The following HEXIM2 variants were observed in gnomAD, a reference collection of about 807,000 sequenced individuals.
HEXIM2 encodes protein HEXIM2.
For synonymous variants in HEXIM2, 159 were observed against 162.7 expected, an observed-to-expected ratio of 0.98 and a Z score of 0.17; for missense variants, 413 against 390.8, an observed-to-expected ratio of 1.06 and a Z score of -0.48.
intron 3 of HEXIM2, among the ~76,000 whole-genome samples, chr17:45,165,194 T>G (rs1295238085): frequency 1.3e-5 from 2 of 152,208 alleles, no homozygotes; most frequent in Admixed American, 1.3e-4. Context: ...CCCAAGCCAC[T>G]GGTGGAGACA....
intron 3 of HEXIM2, among the ~76,000 whole-genome samples, chr17:45,163,282 C>T (rs1011039830): frequency 7.5e-6 from 1 of 133,894 alleles, no homozygotes; most frequent in Admixed American, 8.7e-5. Context: ...GCCAAGATCT[C>T]GCAATTGCAC....
At chr17:45,165,022 C>G (rs2042800878) in intron 3 of HEXIM2, among the ~76,000 whole-genome samples, 1 of 152,110 alleles carries the variant, frequency 6.6e-6, no homozygotes, top group Admixed American at 6.6e-5. Flanking sequence ...GCAGGTAGGG[C>G]TAGGGGGCTG....
rs753646866 is a variant in HEXIM2 at position 45,162,879 on chromosome 17, C to T, written c.66+20C>T. 6 of 1,516,856 alleles carry T rather than the reference C, an allele frequency of 4.0e-6. No homozygotes were observed. In the African/African-American group the frequency reaches 4.1e-5, roughly 10 times the overall value. The allele number at this position is 1,516,856 out of a possible 1,614,324, so 94.0% of individuals were successfully genotyped here. A position where few individuals can be genotyped will look rare whatever the true frequency, so the allele number is the denominator to read the frequency against. The stretch of plus-strand genomic sequence containing the variant: ...GCCAAGGTAAGTCCCTGCCCTCCTG[C>T]CCACCCAAGCACCACGAGCACGGGT... On this transcript the variant is annotated intron_variant, in intron 3 of 3. Coordinates refer to ENST00000589230, the MANE Select transcript of HEXIM2 (RefSeq NM_001303441.2).
upstream of HEXIM2, chr17:45,161,099 G>C (rs1312629561): frequency 9.7e-6 from 5 of 515,988 alleles, no homozygotes; most frequent in Non-Finnish European, 1.7e-5. Flanking sequence ...GAGTCCCTCT[G>C]TGCGGGGCCT....
chr17:45,169,844 G>A lies in HEXIM2; in HGVS notation c.*35G>A. On this transcript the variant is annotated 3_prime_UTR_variant, in exon 4 of 4. Coordinates refer to ENST00000589230, the MANE Select transcript of HEXIM2 (RefSeq NM_001303441.2). The stretch of plus-strand genomic sequence containing the variant: ...CCAGCCTGGTGGACCCAAGGAGAAG[G>A]TCCCATTTCGTGCACACTCAGGCCA... 1 of 1,419,426 alleles carries A rather than the reference G, an allele frequency of 7.0e-7. No individual in the cohort carries two copies. The highest frequency in any genetic ancestry group is 9.2e-7 in the Non-Finnish European group (1 of 1,089,234). 87.9% of individuals were successfully genotyped at this position (1,419,426 alleles called of 1,614,324 possible).
chr17:45,161,130 A>T (rs2042671244), upstream of HEXIM2: 1 of 419,988 alleles, frequency 2.4e-6, no homozygotes, highest in Non-Finnish European at 4.6e-6. Context: ...CCCAGGCCGA[A>T]TGGGGGTGGG....
upstream of HEXIM2, chr17:45,161,384 C>T (rs2042683688): frequency 1.1e-5 from 2 of 185,546 alleles, no homozygotes; most frequent in Non-Finnish European, 2.3e-5. Context: ...CGCCGTCTCC[C>T]GGCGCCGCCA....
intron 3 of HEXIM2, among the ~76,000 whole-genome samples, chr17:45,167,613 CTTTT>C (rs2042893630): frequency 6.7e-6 from 1 of 149,602 alleles, no homozygotes; most frequent in Non-Finnish European, 1.5e-5. Flanking sequence ...AAATAAGAGT[CTTTT>C]TTGTTTGTTT....
chr17:45,162,932 C>T, intron 3 of HEXIM2, 73 bp downstream of exon 3: 2 of 1,007,696 alleles, frequency 2.0e-6, no homozygotes, highest in South Asian at 2.6e-5. Flanking sequence ...AACTTCTTGT[C>T]CCAGATGTGT....
chr17:45,161,080 T>C, upstream of HEXIM2: 1 of 607,348 alleles, frequency 1.6e-6, no homozygotes. Context: ...ACCTCTCCAG[T>C]CGAAGTGGGA....
In HEXIM2 at chr17:45,169,079, C is replaced by T. The variant is rs765289985; in HGVS notation, c.131C>T (p.Pro44Leu). ...PERHDSGGSL[P>L]LTPRMESHSE... is the part of the protein sequence containing the mutation. Reference sequence around the variant, plus strand: ...CGTCATGACTCTGGTGGTTCCCTGCCCCTGACACCGCGGATGGAGAGCCAC... The same window carrying T: ...CGTCATGACTCTGGTGGTTCCCTGCTCCTGACACCGCGGATGGAGAGCCAC... The change falls in exon 4 of 4, where the codon CCC becomes CTC. Residue 44 changes from proline (P) to leucine (L), a missense_variant. Coordinates refer to ENST00000589230, the MANE Select transcript of HEXIM2 (RefSeq NM_001303441.2). 14 of 1,614,010 alleles carry T rather than the reference C, an allele frequency of 8.7e-6. No individual in the cohort carries two copies. In the Admixed American group the frequency reaches 1.8e-4, roughly 21 times the overall value.
At chr17:45,162,408 CCTT>C in intron 1 of HEXIM2, 77 bp from the exon 2 acceptor site, 1 of 1,059,966 alleles carries the variant, frequency 9.4e-7, no homozygotes, top group South Asian at 2.5e-5. Flanking sequence ...AGGCAGTCCT[CCTT>C]TGCCCCTTTG....
chr17:45,163,997 A>G (rs1357084755), intron 3 of HEXIM2, among the ~76,000 whole-genome samples: 1 of 151,244 alleles, frequency 6.6e-6, no homozygotes, highest in Non-Finnish European at 1.5e-5. Context: ...TCTACTAAAA[A>G]TACAAAAATT....
intron 3 of HEXIM2, among the ~76,000 whole-genome samples, chr17:45,163,675 C>G (rs938490060): frequency 3.5e-5 from 5 of 143,198 alleles, no homozygotes; most frequent in Admixed American, 2.1e-4. Flanking sequence ...ATGGTGAAAC[C>G]TCATCTCTAC....
upstream of HEXIM2, chr17:45,161,277 G>C: frequency 3.1e-6 from 1 of 325,498 alleles, no homozygotes; most frequent in South Asian, 2.4e-5. Flanking sequence ...CGCACTCTGT[G>C]AGAGGCGAGG....
upstream of HEXIM2, chr17:45,161,362 G>T (rs1364815285): frequency 1.6e-5 from 3 of 192,142 alleles, no homozygotes; most frequent in East Asian, 4.1e-4. Flanking sequence ...CCTGGCCCCC[G>T]GTCCCACTTC....
chr17:45,169,235 C>T lies in HEXIM2; in HGVS notation c.287C>T (p.Ser96Leu), dbSNP rs2042954903. Reference sequence around the variant, plus strand: ...CGGAAGAAACACCGTCGGCGGCCATCGAAGCGCAAAAGGCACTGGCGACCC... The same window carrying T: ...CGGAAGAAACACCGTCGGCGGCCATTGAAGCGCAAAAGGCACTGGCGACCC... ...LARKKHRRRPSKRKRHWRPYL... is the reference protein window; with the variant it reads ...LARKKHRRRPLKRKRHWRPYL... Residue 96 changes from serine to leucine, a missense_variant, in exon 4 of 4, where the codon TCG becomes TTG. Physicochemically the swap from Ser to Leu is moderately radical, Grantham distance 145 (BLOSUM62 -2). Transcript: ENST00000589230. 7 of 1,613,532 alleles carry T rather than the reference C, an allele frequency of 4.3e-6. No homozygotes were observed. Among genetic ancestry groups the T allele is most frequent in the Non-Finnish European group, 5.9e-6 (7 of 1,180,028 alleles).
chr17:45,168,963 C>T, intron 3 of HEXIM2, 52 bp from the exon 4 acceptor site: 3 of 1,512,980 alleles, frequency 2.0e-6, no homozygotes, highest in East Asian at 2.3e-5. Flanking sequence ...AAAGGTTCCA[C>T]CTCCAAGGAC....
At chr17:45,168,030 C>T (rs1377810365) in intron 3 of HEXIM2, among the ~76,000 whole-genome samples, 7 of 150,716 alleles carry the variant, frequency 4.6e-5, no homozygotes, top group Non-Finnish European at 8.9e-5. Flanking sequence ...ATCACAGGCA[C>T]GTGCCACCAC....
Sources: allele counts gnomAD v4.1 joint callset (sites outside exome capture counted in the v4.1 genomes callset), GRCh38; gene constraint gnomAD v4.1.1; transcripts MANE v1.5; gene names NCBI Gene and HGNC (gene_info 2026-07-23, HGNC 2026-07-21).